Variants in SP2 observed in about 807,000 individuals in gnomAD.
SP2 encodes the protein transcription factor Sp2.
In SP2, 9 loss-of-function variants were observed where a neutral mutation model predicts 50.1. The ratio of observed to expected loss-of-function variants is 0.18; its 90% CI spans 0.11 to 0.31. SP2 has a LOEUF of 0.31. SP2 is among the 10% of genes least tolerant of loss of function. The pLI is 1.00. For missense variants in SP2, 581 were observed against 806.5 expected (o/e 0.72, Z 3.39); for synonymous variants, 313 against 326.6 (o/e 0.96, Z 0.45).
chr17:47,903,688 G>A (rs918744281), intron 1 of SP2, among the ~76,000 whole-genome samples: 8 of 151,906 alleles, frequency 5.3e-5, no homozygotes, highest in Non-Finnish European at 7.4e-5. Context: ...CATGGCCGGC[G>A]CGGTGGCTCA....
At position 47,927,443 on chromosome 17, in the gene SP2, G is replaced by A. The variant is rs1198071605; in HGVS notation, c.1742-281G>A. ...AGCTATTTGAGAGGCTGAGGCAGGA[G>A]AATTGCTTGACCTGGGAGGTGGAGG... On this transcript the variant is annotated intron_variant, in intron 6 of 6. Transcript: ENST00000376741. Among the ~76,000 whole-genome samples, 4 of 150,460 alleles carry A rather than the reference G, an allele frequency of 2.7e-5. No individual in the cohort carries two copies. In the East Asian group the frequency reaches 5.9e-4, roughly 22 times the overall value.
rs773551273 is a variant in SP2 at position 47,925,110 on chromosome 17, G to A, written c.1547+17G>A. 2.5e-6 allele frequency: 4 copies of A among 1,573,522 alleles called. No individual in the cohort carries two copies. The highest frequency in any genetic ancestry group is 2.3e-5 in the East Asian group (1 of 43,588). ...GGAGAAGAGGTAATTCAAGGAGAAGGCCCAAGCCACAAGGCTGGCCTGTGT... is the reference window on the plus strand; with the variant it reads ...GGAGAAGAGGTAATTCAAGGAGAAGACCCAAGCCACAAGGCTGGCCTGTGT... On this transcript the variant is annotated intron_variant, in intron 5 of 6. Coordinates refer to ENST00000376741, the MANE Select transcript of SP2 (RefSeq NM_003110.6).
rs375386987 is a variant in SP2 at position 47,927,833 on chromosome 17, G to T, written c.*9G>T. On this transcript the variant is annotated 3_prime_UTR_variant, in exon 7 of 7. Transcript: ENST00000376741. ...TCACGAAGAACTTGTAAGGCCAACT[G>T]CGGCGGGAGGCCCTGAAGATGCAGT... 6.6e-7 allele frequency: 1 copy of T among 1,521,024 alleles called. No individual in the cohort carries two copies. The highest frequency in any genetic ancestry group is 1.4e-5 in the African/African-American group (1 of 73,312). 94.2% of individuals were successfully genotyped at this position (1,521,024 alleles called of 1,614,324 possible).
At chr17:47,908,427 C>T (rs908428201) in intron 1 of SP2, among the ~76,000 whole-genome samples, 5 of 152,184 alleles carry the variant, frequency 3.3e-5, no homozygotes, top group Non-Finnish European at 5.9e-5. Context: ...CCTGGGAGAG[C>T]CATTGCCTTC....
intron 1 of SP2, among the ~76,000 whole-genome samples, chr17:47,911,892 A>T (rs976370029): frequency 1.3e-5 from 2 of 151,932 alleles, no homozygotes; most frequent in Non-Finnish European, 2.9e-5. Flanking sequence ...TGGTCCTGAG[A>T]CCCACCCCAG....
intron 6 of SP2, among the ~76,000 whole-genome samples, chr17:47,926,759 TAA>T (rs901496414): frequency 7.0e-6 from 1 of 143,378 alleles, no homozygotes; most frequent in Non-Finnish European, 1.5e-5. Context: ...GCCCATCTCT[TAA>T]AAAAAAAAAA....
chr17:47,902,503 A>G (rs1472901318), intron 1 of SP2, among the ~76,000 whole-genome samples: 1 of 152,180 alleles, frequency 6.6e-6, no homozygotes, highest in Non-Finnish European at 1.5e-5. Context: ...GGGAGACATG[A>G]TAGAAACCTG....
intron 1 of SP2, among the ~76,000 whole-genome samples, chr17:47,913,785 A>G (rs1204915802): frequency 1.3e-5 from 2 of 152,170 alleles, no homozygotes; most frequent in Non-Finnish European, 2.9e-5. Flanking sequence ...TTTAAGAAAA[A>G]AAGTACAGTA....
At chr17:47,930,187 G>A (rs1002769503), downstream of SP2, among the ~76,000 whole-genome samples, 2 of 152,226 alleles carry the variant, frequency 1.3e-5, no homozygotes, top group Non-Finnish European at 2.9e-5. Flanking sequence ...AAGACATGAG[G>A]TGTATTTATT....
chr17:47,901,438 C>T (rs1794603838), intron 1 of SP2, among the ~76,000 whole-genome samples: 1 of 151,380 alleles, frequency 6.6e-6, no homozygotes, highest in African/African-American at 2.4e-5. Flanking sequence ...AGCCACCGTG[C>T]CTGGCTTTGT....
chr17:47,912,690 C>T (rs1016113913), intron 1 of SP2, among the ~76,000 whole-genome samples: 1 of 151,818 alleles, frequency 6.6e-6, no homozygotes, highest in Non-Finnish European at 1.5e-5. Flanking sequence ...AGCAATCCTC[C>T]CACTTCACCT....
intron 3 of SP2, among the ~76,000 whole-genome samples, chr17:47,921,743 T>TGA (rs2035465554): frequency 6.6e-6 from 1 of 152,196 alleles, no homozygotes; most frequent in Non-Finnish European, 1.5e-5. Context: ...GCCCCAACCC[T>TGA]GGAATCAGCT....
At chr17:47,912,361 T>A (rs1381113685) in intron 1 of SP2, among the ~76,000 whole-genome samples, 1 of 152,086 alleles carries the variant, frequency 6.6e-6, no homozygotes, top group Non-Finnish European at 1.5e-5. Context: ...TGTGTGGACT[T>A]CAGGCCTGGT....
rs2035590602 is a variant in SP2, at chr17:47,924,985, C to T, written c.1439C>T (p.Thr480Ile). ...CTGACCATCAGTGGGCTGAGCCCCA[C>T]CCAGATCCAGCTGCAAATGGAACAA... is the stretch of plus-strand genomic sequence containing the variant. Reference protein sequence around the residue: ...NNLTISGLSPTQIQLQMEQAL... With the variant: ...NNLTISGLSPIQIQLQMEQAL... The change falls in exon 5 of 7, where the codon ACC (threonine) becomes ATC (isoleucine). Residue 480 changes from threonine to isoleucine, a missense_variant. Thr to Ile is a moderately conservative substitution (Grantham distance 89, BLOSUM62 -1). Coordinates refer to ENST00000376741, the MANE Select transcript of SP2 (RefSeq NM_003110.6). 6.2e-7 allele frequency: 1 copy of T among 1,614,056 alleles called. No individual in the cohort carries two copies. Among genetic ancestry groups the T allele is most frequent in the African/African-American group, 1.3e-5 (1 of 74,958 alleles).
chr17:47,900,633 C>T (rs951116775), intron 1 of SP2, among the ~76,000 whole-genome samples: 2 of 152,128 alleles, frequency 1.3e-5, no homozygotes, highest in African/African-American at 4.8e-5. Flanking sequence ...AAAAATTAGC[C>T]ATGTGTGGTG....
intron 1 of SP2, among the ~76,000 whole-genome samples, chr17:47,903,145 G>C (rs959195039): frequency 2.0e-5 from 3 of 152,210 alleles, no homozygotes; most frequent in African/African-American, 7.2e-5. Context: ...AGAAATGTGA[G>C]AGTTAAAATT....
rs772057440 is a variant in SP2 at position 47,903,393 on chromosome 17, C to T, written c.7+7100C>T. 3.3e-5 allele frequency among the ~76,000 whole-genome samples: 5 copies of T among 152,238 alleles called. No homozygotes were observed. In the East Asian group the frequency reaches 5.8e-4, roughly 18 times the overall value. ...GTTTCAAGGAAGAAGAGGCCAGGCG[C>T]GGTGGCTCACGCCTGTAATCCCAGC... On this transcript the variant is annotated intron_variant, in intron 1 of 6. Coordinates refer to ENST00000376741, the MANE Select transcript of SP2 (RefSeq NM_003110.6).
chr17:47,920,819 T>G (rs1472297230), intron 3 of SP2, among the ~76,000 whole-genome samples: 1 of 152,212 alleles, frequency 6.6e-6, no homozygotes, highest in East Asian at 1.9e-4. Context: ...CTTACCCTTT[T>G]AAAGTATACA....
At chr17:47,927,608 G>T in intron 6 of SP2, 116 bp from the exon 7 acceptor site, 1 of 598,558 alleles carries the variant, frequency 1.7e-6, no homozygotes, top group Non-Finnish European at 3.1e-6. Context: ...TGGGCAGAAT[G>T]TGGTGACAAG....
Sources: gnomAD v4.1 joint callset for allele counts (sites outside exome capture counted in the v4.1 genomes callset) on GRCh38, gnomAD v4.1.1 for gene constraint, MANE v1.5 for transcripts, NCBI Gene and HGNC (gene_info 2026-07-23, HGNC 2026-07-21) for gene names.